Variants in ZNF292 observed in about 807,000 individuals in gnomAD.
The protein encoded by ZNF292 is zinc finger protein 292, also known as 16 zinc-finger domain protein.
Under a neutral mutation model 217.9 loss-of-function variants are expected in ZNF292, and 26 were observed. The observed-to-expected ratio is 0.12, with a 90% CI of 0.09 to 0.17. The LOEUF is 0.17. ZNF292 is among the 10% of genes least tolerant of loss of function. The pLI is 1.00. For missense variants in ZNF292, 2,904 were observed against 3,175.2 expected (o/e 0.91, Z 2.05); for synonymous variants, 1,257 against 1,124.1 (o/e 1.12, Z -2.37).
intron 7 of ZNF292, among the ~76,000 whole-genome samples, chr6:87,254,134 C>T (rs983571075): frequency 6.6e-6 from 1 of 152,082 alleles, no homozygotes; most frequent in African/African-American, 2.4e-5. Flanking sequence ...CAGTACTGAT[C>T]AGTTTGGAAA....
chr6:87,195,415 G>C (rs1448829579), intron 1 of ZNF292, among the ~76,000 whole-genome samples: 2 of 152,172 alleles, frequency 1.3e-5, no homozygotes, highest in Non-Finnish European at 2.9e-5. Flanking sequence ...TCAACTGGCT[G>C]TCCAAAGATA....
intron 1 of ZNF292, among the ~76,000 whole-genome samples, chr6:87,211,869 ACAG>A (rs1562143196): frequency 6.6e-6 from 1 of 152,214 alleles, no homozygotes; most frequent in Non-Finnish European, 1.5e-5. Context: ...AAACCAGATT[ACAG>A]TGACATTTAT....
In ZNF292 at chr6:87,258,112, G is replaced by A; in HGVS notation, c.4483G>A (p.Glu1495Lys). 7 of 1,612,702 alleles carry A rather than the reference G, an allele frequency of 4.3e-6. No homozygotes were observed. Among genetic ancestry groups the A allele is most frequent in the Non-Finnish European group, 5.9e-6 (7 of 1,179,338 alleles). ...TAGTGAAATTATTAAACAGGCTTTG[G>A]AAACTGCTGGCATTCCCAGTACATT... is the stretch of plus-strand genomic sequence containing the variant. ...EGSEIIKQAL[E>K]TAGIPSTFEG... Residue 1495 changes from glutamate to lysine, a missense_variant, in exon 8 of 8, where the codon GAA becomes AAA. Glu to Lys is a moderately conservative substitution (Grantham distance 56). Coordinates refer to ENST00000369577, the MANE Select transcript of ZNF292 (RefSeq NM_015021.3).
chr6:87,212,111 A>G lies in ZNF292; in HGVS notation c.169-3792A>G, dbSNP rs139332429. Reference sequence around the variant, plus strand: ...TCAGTAATTTGCTAGAATAACTCACAGAACTCAGGAAAATGCTATACTTAC... The same window carrying G: ...TCAGTAATTTGCTAGAATAACTCACGGAACTCAGGAAAATGCTATACTTAC... On this transcript the variant is annotated intron_variant, in intron 1 of 7. Coordinates refer to ENST00000369577, the MANE Select transcript of ZNF292 (RefSeq NM_015021.3). Among the ~76,000 whole-genome samples the G allele has an allele frequency of 4.8e-3, 737 of 152,282 alleles. 3 individuals carry two copies. Among genetic ancestry groups the G allele is most frequent in the African/African-American group, 0.016 (648 of 41,554 alleles).
rs1190108203 is a variant in ZNF292, at chr6:87,265,656, T to G, written c.*3855T>G. Among the ~76,000 whole-genome samples the G allele has an allele frequency of 6.6e-6, 1 of 152,246 alleles. No individual in the cohort carries two copies. The highest frequency in any genetic ancestry group is 2.4e-5 in the African/African-American group (1 of 41,462). On this transcript the variant is annotated 3_prime_UTR_variant, in exon 8 of 8. Coordinates refer to ENST00000369577, the MANE Select transcript of ZNF292 (RefSeq NM_015021.3). ...TCTTCTTTTAATGTTAATACTTAGT[T>G]ATATCCCACTGAACTAGCATTCTAA... is the stretch of plus-strand genomic sequence containing the variant.
At chr6:87,232,046 C>T (rs1040616866) in intron 4 of ZNF292, among the ~76,000 whole-genome samples, 1 of 152,084 alleles carries the variant, frequency 6.6e-6, no homozygotes, top group African/African-American at 2.4e-5. Context: ...GACATGTAGT[C>T]AGAGGCACCA....
At position 87,216,306 on chromosome 6, in the gene ZNF292, G is replaced by C. The variant is rs1366692920; in HGVS notation, c.331G>C (p.Val111Leu). The stretch of plus-strand genomic sequence containing the variant: ...CAACTTTTTGTTTTTTAGAAGCTGT[G>C]TTGAACTTTTACTGTGTCTGCCTGT... ...LVLERLALSC[V>L]ELLLCLPVEL... The change falls in exon 3 of 8, where the codon GTT becomes CTT. Residue 111 changes from valine (V) to leucine (L), a missense_variant. Physicochemically the swap from Val to Leu is conservative, Grantham distance 32. Coordinates refer to ENST00000369577, the MANE Select transcript of ZNF292 (RefSeq NM_015021.3). 6.3e-7 allele frequency: 1 copy of C among 1,577,504 alleles called. No homozygotes were observed. Among genetic ancestry groups the C allele is most frequent in the Non-Finnish European group, 8.6e-7 (1 of 1,159,564 alleles).
chr6:87,174,244 A>G lies in ZNF292; in HGVS notation c.168+18485A>G, dbSNP rs567356032. On this transcript the variant is annotated intron_variant, in intron 1 of 7. Coordinates refer to ENST00000369577, the MANE Select transcript of ZNF292 (RefSeq NM_015021.3). ...TCGGCAGCTCTAGGAAAGGAAGGAC[A>G]TGTTCAGCCTGCGGCACCACCTCTG... The G allele has an allele frequency of 5.3e-4, 81 of 153,324 alleles. 1 individual carries two copies. The Middle Eastern group carries it at 0.013, about 25-fold the overall frequency. 9.5% of individuals were successfully genotyped at this position (153,324 alleles called of 1,614,324 possible). A position where few individuals can be genotyped will look rare whatever the true frequency, so the allele number is the denominator to read the frequency against.
chr6:87,218,649 T>C lies in ZNF292; in HGVS notation c.456T>C (p.Ala152=). 5.1e-6 allele frequency: 8 copies of C among 1,582,590 alleles called. No individual in the cohort carries two copies. Among genetic ancestry groups the C allele is most frequent in the Non-Finnish European group, 6.9e-6 (8 of 1,164,122 alleles). ...GCAGCTGTGAATTGCATTTTTTAGC[T>C]ACTCTAGCTCAAGAGACTGGGGTGT... ...ENGSCELHFL[A]TLAQETGVWK... is the part of the protein sequence containing the mutation. Residue 152 remains alanine, a synonymous_variant, in exon 4 of 8, where the codon GCT becomes GCC. Coordinates refer to ENST00000369577, the MANE Select transcript of ZNF292 (RefSeq NM_015021.3).
rs778979525 is a variant in ZNF292, at chr6:87,216,102, TACATAGACACACACACACAC to T, written c.323+49_323+68del. 1,644 of 1,210,198 alleles carry T rather than the reference TACATAGACACACACACACAC, an allele frequency of 1.4e-3. 23 individuals carry two copies. Among genetic ancestry groups the T allele is most frequent in the South Asian group, 2.2e-3 (146 of 65,866 alleles). 75.0% of individuals were successfully genotyped at this position (1,210,198 alleles called of 1,614,324 possible). ...AATAAACTAGATTTAGCTTTAAAAA[TACATAGACACACACACACAC>T]ACACACACACACACACACACACACA... is the stretch of plus-strand genomic sequence containing the variant. On this transcript the variant is annotated intron_variant, in intron 2 of 7. Coordinates refer to ENST00000369577, the MANE Select transcript of ZNF292 (RefSeq NM_015021.3).
At chr6:87,209,182 T>G (rs1363258563) in intron 1 of ZNF292, among the ~76,000 whole-genome samples, 1 of 149,410 alleles carries the variant, frequency 6.7e-6, no homozygotes, top group Non-Finnish European at 1.5e-5. Context: ...AGTTAGTGGG[T>G]TTTGTTTGTT....
Position 87,258,366 on chromosome 6 carries a change from T to C in ZNF292, c.4737T>C (p.Thr1579=). 6.2e-7 allele frequency: 1 copy of C among 1,613,732 alleles called. No individual in the cohort carries two copies. The highest frequency in any genetic ancestry group is 2.2e-5 in the East Asian group (1 of 44,880). The part of the protein sequence containing the change: ...VFPTNDLLLK[T]VENGLCSSSF... ...CAACGAATGACTTACTACTGAAGAC[T>C]GTTGAAAATGGTTTGTGCTCTAGTT... is the stretch of plus-strand genomic sequence containing the variant. Residue 1579 remains threonine (T), a synonymous_variant, in exon 8 of 8, where the codon ACT becomes ACC. Coordinates refer to ENST00000369577, the MANE Select transcript of ZNF292 (RefSeq NM_015021.3).
In ZNF292 at chr6:87,179,160, T is replaced by TTTTTA. The variant is rs1487672933; in HGVS notation, c.168+23405_168+23406insATTTT. Among the ~76,000 whole-genome samples the TTTTTA allele has an allele frequency of 8.1e-5, 10 of 123,172 alleles. 2 individuals carry two copies. The highest frequency in any genetic ancestry group is 3.5e-4 in the African/African-American group (9 of 25,912). The allele number at this position is 123,172 out of a possible 152,430, so 80.8% of individuals were successfully genotyped here. On this transcript the variant is annotated intron_variant, in intron 1 of 7. Transcript: ENST00000369577. ...GTCTGTATTTGTGATATATGTGGCT[T>TTTTTA]TTTTTTTTTTTTTTTGGGAGATGGA...
chr6:87,218,810 T>A, intron 4 of ZNF292, 79 bp downstream of exon 4: 1 of 1,403,134 alleles, frequency 7.1e-7, no homozygotes, highest in South Asian at 1.4e-5. Context: ...TGATATAATT[T>A]ATCTCAAGAT....
chr6:87,219,648 AT>A (rs1422583457), intron 4 of ZNF292, among the ~76,000 whole-genome samples: 2 of 152,038 alleles, frequency 1.3e-5, no homozygotes, highest in Non-Finnish European at 2.9e-5. Flanking sequence ...TTCCTACTGG[AT>A]TTCTGTCTTC....
chr6:87,199,290 C>T (rs1287377093), intron 1 of ZNF292, among the ~76,000 whole-genome samples: 1 of 152,148 alleles, frequency 6.6e-6, no homozygotes, highest in Non-Finnish European at 1.5e-5. Flanking sequence ...CATTTATCTT[C>T]TTTGGTGAAC....
At chr6:87,181,201 G>T (rs972762143) in intron 1 of ZNF292, among the ~76,000 whole-genome samples, 4 of 152,114 alleles carry the variant, frequency 2.6e-5, no homozygotes, top group Admixed American at 1.3e-4. Flanking sequence ...CTGTTCCCTA[G>T]CGTCCCGGAT....
At chr6:87,249,192 TCA>T (rs1774765296) in intron 7 of ZNF292, 1 of 158,788 alleles carries the variant, frequency 6.3e-6, no homozygotes, top group Admixed American at 6.5e-5. Flanking sequence ...AGTGCTGCAA[TCA>T]CAGCTCACTG....
intron 1 of ZNF292, among the ~76,000 whole-genome samples, chr6:87,162,313 G>A (rs947354638): frequency 3.3e-5 from 5 of 152,182 alleles, no homozygotes; most frequent in African/African-American, 1.2e-4. Context: ...TATATTTTAT[G>A]TCTCATCAGT....
Sources: gnomAD v4.1 joint callset for allele counts (sites outside exome capture counted in the v4.1 genomes callset) on GRCh38, gnomAD v4.1.1 for gene constraint, MANE v1.5 for transcripts, NCBI Gene and HGNC (gene_info 2026-07-23, HGNC 2026-07-21) for gene names.